Variants in EPM2A observed in about 807,000 individuals in gnomAD.
The protein encoded by EPM2A is laforin.
In EPM2A, 21 loss-of-function variants were observed where a neutral mutation model predicts 26.5. That is an observed-to-expected ratio of 0.79 (90% CI 0.56 to 1.14). The LOEUF is 1.14. Ranked by LOEUF, EPM2A falls within the 50% of genes most tolerant of loss-of-function variation. The probability of loss-of-function intolerance (pLI) is 0.00; values close to 1 mark genes in which losing one functional copy is unlikely to be tolerated. For missense variants in EPM2A, 458 were observed against 440.8 expected (o/e 1.04, Z -0.35); for synonymous variants, 217 against 177.6 (o/e 1.22, Z -1.76).
chr6:145,612,271 C>G (rs551979331), intron 2 of EPM2A, among the ~76,000 whole-genome samples: 96 of 152,048 alleles, frequency 6.3e-4, no homozygotes, highest in Non-Finnish European at 1.2e-3. Context: ...TATAATGGAT[C>G]AAACAATATT....
At chr6:145,617,480 T>C (rs1775541670) in intron 2 of EPM2A, among the ~76,000 whole-genome samples, 1 of 152,168 alleles carries the variant, frequency 6.6e-6, no homozygotes, top group South Asian at 2.1e-4. Context: ...TAAATACTAG[T>C]ATTATATAGA....
intron 1 of EPM2A, among the ~76,000 whole-genome samples, chr6:145,714,645 T>C (rs1487933980): frequency 1.3e-5 from 2 of 152,222 alleles, no homozygotes; most frequent in African/African-American, 2.4e-5. Flanking sequence ...TACAGTTCCA[T>C]GTGGTTGGGG....
At chr6:145,567,689 A>T (rs1312579248) in intron 2 of EPM2A, among the ~76,000 whole-genome samples, 1 of 152,232 alleles carries the variant, frequency 6.6e-6, no homozygotes, top group East Asian at 1.9e-4. Flanking sequence ...CCAACCAAGC[A>T]CACTGATTGG....
chr6:145,522,016 G>A (rs1399134299), intron 2 of EPM2A, among the ~76,000 whole-genome samples: 1 of 152,106 alleles, frequency 6.6e-6, no homozygotes, highest in African/African-American at 2.4e-5. Context: ...GCAGTGGCAC[G>A]ATCTCAGCTC....
At chr6:145,675,149 T>G (rs61041405) in intron 2 of EPM2A, among the ~76,000 whole-genome samples, 11,798 of 151,972 alleles carry the variant, frequency 0.078, 1,224 homozygotes, top group African/African-American at 0.23. Context: ...TTAAAGAAAA[T>G]AATTTTCAAC....
intron 4 of EPM2A, among the ~76,000 whole-genome samples, chr6:145,488,551 T>G (rs907515086): frequency 1.3e-3 from 172 of 135,384 alleles, no homozygotes; most frequent in African/African-American, 4.7e-3. Context: ...GAGAGAGAGA[T>G]ACTTTATTTT....
At chr6:145,583,979 C>A (rs1186217330) in intron 2 of EPM2A, among the ~76,000 whole-genome samples, 1 of 152,162 alleles carries the variant, frequency 6.6e-6, no homozygotes, top group Non-Finnish European at 1.5e-5. Flanking sequence ...CTTGTGCCAG[C>A]AGAGGCAGCA....
intron 2 of EPM2A, among the ~76,000 whole-genome samples, chr6:145,580,177 T>C (rs891846967): frequency 2.6e-5 from 4 of 152,150 alleles, no homozygotes; most frequent in African/African-American, 4.8e-5. Context: ...TCTGGTATCA[T>C]TGACCTTCTG....
chr6:145,480,044 CATTCATAT>C (rs1397291978), intron 4 of EPM2A, among the ~76,000 whole-genome samples: 1 of 151,920 alleles, frequency 6.6e-6, no homozygotes. Flanking sequence ...GACTATAAGC[CATTCATAT>C]ATCTTCTTTC....
At chr6:145,468,288 G>C (rs1221631108) in intron 4 of EPM2A, among the ~76,000 whole-genome samples, 1 of 152,056 alleles carries the variant, frequency 6.6e-6, no homozygotes, top group Non-Finnish European at 1.5e-5. Flanking sequence ...TACTGTGCAT[G>C]AATAGCAATA....
chr6:145,401,504 A>G (rs1400907214), intron 4 of EPM2A, among the ~76,000 whole-genome samples: 1 of 152,162 alleles, frequency 6.6e-6, no homozygotes, highest in Non-Finnish European at 1.5e-5. Context: ...ACACAATGTT[A>G]ATTAAGCATG....
intron 2 of EPM2A, among the ~76,000 whole-genome samples, chr6:145,520,366 T>A (rs1780187405): frequency 6.6e-6 from 1 of 152,172 alleles, no homozygotes; most frequent in South Asian, 2.1e-4. Flanking sequence ...CTGACACTCT[T>A]CACAAAGCCT....
intron 4 of EPM2A, among the ~76,000 whole-genome samples, chr6:145,397,381 C>T (rs1778419802): frequency 6.6e-6 from 1 of 151,996 alleles, no homozygotes; most frequent in African/African-American, 2.4e-5. Flanking sequence ...TTTGAGGCTG[C>T]AGTGAGGTAT....
chr6:145,554,751 C>A (rs1162062335), intron 2 of EPM2A, among the ~76,000 whole-genome samples: 2 of 152,028 alleles, frequency 1.3e-5, no homozygotes, highest in African/African-American at 4.8e-5. Flanking sequence ...CTTATCTAAT[C>A]CTAATTACCT....
At chr6:145,476,347 C>A (rs1779542877) in intron 4 of EPM2A, among the ~76,000 whole-genome samples, 1 of 151,964 alleles carries the variant, frequency 6.6e-6, no homozygotes, top group Admixed American at 6.6e-5. Context: ...CTGGAGACTT[C>A]AATACCCCAC....
chr6:145,557,025 T>C (rs1331020693), intron 2 of EPM2A, among the ~76,000 whole-genome samples: 2 of 152,116 alleles, frequency 1.3e-5, no homozygotes, highest in Admixed American at 6.6e-5. Flanking sequence ...GATGCATTCA[T>C]GGCAAAACAG....
At chr6:145,706,575 T>C (rs1171640294) in intron 1 of EPM2A, among the ~76,000 whole-genome samples, 2 of 152,148 alleles carry the variant, frequency 1.3e-5, no homozygotes, top group Non-Finnish European at 2.9e-5. Context: ...ACTGATGGCC[T>C]AGGTAGCCAC....
intron 1 of EPM2A, among the ~76,000 whole-genome samples, chr6:145,713,720 C>G (rs113641951): frequency 1.3e-5 from 2 of 152,292 alleles, no homozygotes; most frequent in African/African-American, 4.8e-5. Context: ...TGGGTACACA[C>G]CAGTTCCACT....
At chr6:145,484,879 C>T (rs1156993406) in intron 4 of EPM2A, among the ~76,000 whole-genome samples, 2 of 151,336 alleles carry the variant, frequency 1.3e-5, no homozygotes, top group South Asian at 2.1e-4. Flanking sequence ...AGGCAGTCCA[C>T]TTCATATAAT....
Sources: allele counts gnomAD v4.1 joint callset (sites outside exome capture counted in the v4.1 genomes callset), GRCh38; gene constraint gnomAD v4.1.1; transcripts MANE v1.5; gene names NCBI Gene and HGNC (gene_info 2026-07-23, HGNC 2026-07-21).